The following DPY19L2 variants were observed in gnomAD, a reference collection of about 807,000 sequenced individuals.
DPY19L2 encodes the protein probable C-mannosyltransferase DPY19L2.
In DPY19L2, 34 loss-of-function variants were observed where a neutral mutation model predicts 97.9. The ratio of observed to expected loss-of-function variants is 0.35; its 90% CI spans 0.26 to 0.46. DPY19L2 has a LOEUF of 0.46. Ranked by LOEUF, DPY19L2 falls within the 20% of genes least tolerant of loss-of-function variation. The pLI, the probability that DPY19L2 is intolerant of heterozygous loss-of-function variation, is 1.00. For missense variants in DPY19L2, 623 were observed against 911.4 expected, an observed-to-expected ratio of 0.68 and a Z score of 4.07; for synonymous variants, 230 against 307.9, an observed-to-expected ratio of 0.75 and a Z score of 2.65.
intron 6 of DPY19L2, among the ~76,000 whole-genome samples, chr12:63,637,811 C>G (rs1175789901): frequency 2.0e-5 from 3 of 152,088 alleles, no homozygotes; most frequent in African/African-American, 7.2e-5. Context: ...CCTTCTGAAA[C>G]TATTCCAATC....
At chr12:63,572,192 G>A in intron 19 of DPY19L2, among the ~76,000 whole-genome samples, 1 of 152,146 alleles carries the variant, frequency 6.6e-6, no homozygotes, top group Non-Finnish European at 1.5e-5. Flanking sequence ...AGAGCCCACT[G>A]CCCTGAAGGG....
chr12:63,638,890 T>C (rs1207541023), intron 6 of DPY19L2, among the ~76,000 whole-genome samples: 6 of 152,060 alleles, frequency 3.9e-5, no homozygotes, highest in Non-Finnish European at 7.4e-5. Context: ...GAGCCCGCAT[T>C]GCCAAGACAA....
At chr12:63,619,803 C>T in intron 9 of DPY19L2, 2 of 359,636 alleles carry the variant, frequency 5.6e-6, no homozygotes, top group South Asian at 4.3e-5. Context: ...TCACACCCGG[C>T]CCCAAAGAGC....
chr12:63,582,451 C>T lies in DPY19L2; in HGVS notation c.1680G>A (p.Leu560=). ...AILIMRLKMF[L]TPHMCVMASL... ...AAGCCATAACACACATGTGCGGTGT[C>T]AAAAACATCTTTAGCCTCATAATTA... The change falls in exon 18 of 22, where the codon TTG becomes TTA. Residue 560 remains leucine, a synonymous_variant. Transcript: ENST00000324472. 27 of 1,613,532 alleles carry T rather than the reference C, an allele frequency of 1.7e-5. No homozygotes were observed. The highest frequency in any genetic ancestry group is 2.3e-5 in the Non-Finnish European group (27 of 1,179,666).
chr12:63,658,993 A>G (rs1362783098), intron 4 of DPY19L2, among the ~76,000 whole-genome samples: 1 of 152,202 alleles, frequency 6.6e-6, no homozygotes, highest in Admixed American at 6.5e-5. Context: ...ATGGTTTTGC[A>G]GGTGGGCCAA....
chr12:63,633,710 C>G (rs1401502734), intron 6 of DPY19L2, among the ~76,000 whole-genome samples: 1 of 152,146 alleles, frequency 6.6e-6, no homozygotes, highest in Non-Finnish European at 1.5e-5. Flanking sequence ...CATCCCATTA[C>G]TGGGTATATA....
chr12:63,652,254 T>C (rs960627754), intron 4 of DPY19L2, among the ~76,000 whole-genome samples: 2 of 152,092 alleles, frequency 1.3e-5, no homozygotes, highest in African/African-American at 4.8e-5. Context: ...ATGGCTATTA[T>C]TAAAAAGTCA....
chr12:63,668,774 T>C (rs1896636295), upstream of DPY19L2: 2 of 227,306 alleles, frequency 8.8e-6, no homozygotes, highest in East Asian at 2.4e-4. Context: ...CGCAGCCCCA[T>C]GTACAGCCCC....
chr12:63,632,463 C>G (rs904567000), intron 6 of DPY19L2, among the ~76,000 whole-genome samples: 2 of 152,150 alleles, frequency 1.3e-5, no homozygotes, highest in Non-Finnish European at 2.9e-5. Context: ...CTCCCATTCA[C>G]AATTGCTTCA....
At chr12:63,656,483 G>A (rs1055043847) in intron 4 of DPY19L2, among the ~76,000 whole-genome samples, 2 of 152,078 alleles carry the variant, frequency 1.3e-5, no homozygotes, top group Non-Finnish European at 2.9e-5. Context: ...TTTACCCCTA[G>A]GTTTGCATAT....
intron 15 of DPY19L2, among the ~76,000 whole-genome samples, chr12:63,595,713 G>A (rs986009855): frequency 6.6e-5 from 10 of 152,084 alleles, no homozygotes; most frequent in African/African-American, 1.7e-4. Flanking sequence ...TTATTTGTCC[G>A]GGTGTACCTA....
At chr12:63,655,035 A>G (rs906513575) in intron 4 of DPY19L2, among the ~76,000 whole-genome samples, 5 of 152,124 alleles carry the variant, frequency 3.3e-5, no homozygotes, top group African/African-American at 1.2e-4. Context: ...AGAGAATGAA[A>G]AGGCAAGCTA....
At chr12:63,631,398 C>T (rs944288776) in intron 6 of DPY19L2, among the ~76,000 whole-genome samples, 1 of 152,072 alleles carries the variant, frequency 6.6e-6, no homozygotes, top group Admixed American at 6.6e-5. Context: ...ACCGATCACT[C>T]AGAAATACAA....
intron 17 of DPY19L2, among the ~76,000 whole-genome samples, chr12:63,582,777 C>G (rs186031881): frequency 6.6e-6 from 1 of 151,978 alleles, no homozygotes; most frequent in Non-Finnish European, 1.5e-5. Context: ...GAAAGACAGA[C>G]AATACATAGA....
chr12:63,601,382 A>G (rs1404852689), intron 12 of DPY19L2, among the ~76,000 whole-genome samples: 1 of 152,206 alleles, frequency 6.6e-6, no homozygotes, highest in Non-Finnish European at 1.5e-5. Flanking sequence ...TAAAAAGGGA[A>G]GAATTGTGTA....
rs749675473 is a variant in DPY19L2 at position 63,646,610 on chromosome 12, C to G, written c.709+635G>C. The stretch of plus-strand genomic sequence containing the variant: ...GTTATGAAAACAGATACAAGTGGCT[C>G]TGAATGAGAGTCTCAAGGGACGGCA... On this transcript the variant is annotated intron_variant, in intron 5 of 21. Transcript: ENST00000324472. Among the ~76,000 whole-genome samples the G allele has an allele frequency of 1.0e-3, 158 of 152,178 alleles. 1 individual carries two copies. The highest frequency in any genetic ancestry group is 3.4e-3 in the Middle Eastern group (1 of 294).
intron 6 of DPY19L2, among the ~76,000 whole-genome samples, chr12:63,628,632 C>T (rs1397685878): frequency 6.6e-6 from 1 of 152,084 alleles, no homozygotes; most frequent in African/African-American, 2.4e-5. Context: ...TAGACTCCAC[C>T]TCTGGGGGCA....
chr12:63,655,397 A>G lies in DPY19L2; in HGVS notation c.588+5947T>C, dbSNP rs147992186. ...CCATTGACTACTGAGTATGTAGCAC[A>G]AGGAAATTTGCATAGTTTCATTCAT... is the stretch of plus-strand genomic sequence containing the variant. On this transcript the variant is annotated intron_variant, in intron 4 of 21. Transcript: ENST00000324472. Among the ~76,000 whole-genome samples the G allele has an allele frequency of 6.8e-3, 1,032 of 152,322 alleles. 16 individuals are homozygous for G. The highest frequency in any genetic ancestry group is 0.023 in the African/African-American group (943 of 41,560).
intron 11 of DPY19L2, among the ~76,000 whole-genome samples, chr12:63,612,348 C>T (rs1380192264): frequency 1.3e-5 from 2 of 151,886 alleles, no homozygotes; most frequent in African/African-American, 4.8e-5. Flanking sequence ...AAATATATAA[C>T]ATTTTAAAAA....
Sources: allele counts gnomAD v4.1 joint callset (sites outside exome capture counted in the v4.1 genomes callset), GRCh38; gene constraint gnomAD v4.1.1; transcripts MANE v1.5; gene names NCBI Gene and HGNC (gene_info 2026-07-23, HGNC 2026-07-21).